The following EPHA6 variants were observed in gnomAD, a reference collection of about 807,000 sequenced individuals.
EPHA6 encodes the protein ephrin type-A receptor 6.
A neutral mutation model predicts 112.0 loss-of-function variants in EPHA6; 50 were observed. The observed-to-expected ratio is 0.45, with a 90% CI of 0.36 to 0.56. The LOEUF is 0.56. Among genes scored for constraint, EPHA6 ranks in the 20% least tolerant of loss-of-function variants. The pLI, the probability that EPHA6 is intolerant of heterozygous loss-of-function variation, is 0.00. For missense variants in EPHA6, 1,280 were observed against 1,417.4 expected (o/e 0.90, Z 1.56); for synonymous variants, 529 against 490.7 (o/e 1.08, Z -1.03).
rs147425353 is a variant in EPHA6, at chr3:96,820,084, G to T, written c.385+5076G>T. On this transcript the variant is annotated intron_variant, in intron 1 of 17. Transcript: ENST00000389672. ...GCGTAACATATAGTGGAAACTGACT[G>T]AGCAAGGGTCTCGAAGAGAAATGAG... Among the ~76,000 whole-genome samples, 4 of 152,142 alleles carry T rather than the reference G, an allele frequency of 2.6e-5. No individual in the cohort carries two copies. In the East Asian group the frequency reaches 7.7e-4, roughly 29 times the overall value.
intron 5 of EPHA6, among the ~76,000 whole-genome samples, chr3:97,345,026 C>A (rs752091360): frequency 6.6e-6 from 1 of 151,474 alleles, no homozygotes; most frequent in Non-Finnish European, 1.5e-5. Context: ...GATTGCTTAA[C>A]TTCACAGAAG....
intron 3 of EPHA6, among the ~76,000 whole-genome samples, chr3:97,178,499 T>A (rs1271932831): frequency 1.3e-5 from 2 of 152,154 alleles, no homozygotes; most frequent in African/African-American, 4.8e-5. Context: ...TCTTTCTGAT[T>A]GCAGTGCTCC....
chr3:97,737,135 C>G (rs980337904), intron 16 of EPHA6, among the ~76,000 whole-genome samples: 2 of 152,054 alleles, frequency 1.3e-5, no homozygotes, highest in Non-Finnish European at 1.5e-5. Context: ...ACTATTACTC[C>G]GGCCCATCTT....
chr3:97,450,617 C>T (rs1577449429), intron 7 of EPHA6, among the ~76,000 whole-genome samples: 1 of 152,004 alleles, frequency 6.6e-6, no homozygotes, highest in East Asian at 1.9e-4. Context: ...GATTTCAACT[C>T]ATTGTACTTT....
intron 12 of EPHA6, among the ~76,000 whole-genome samples, chr3:97,604,985 G>T (rs143602480): frequency 6.6e-6 from 1 of 151,594 alleles, no homozygotes; most frequent in East Asian, 1.9e-4. Flanking sequence ...TTATAGAGAA[G>T]AATTGGGCAT....
chr3:97,669,995 A>G (rs1405376313), intron 14 of EPHA6, among the ~76,000 whole-genome samples: 3 of 152,180 alleles, frequency 2.0e-5, no homozygotes, highest in Non-Finnish European at 4.4e-5. Context: ...AGTTTGATGA[A>G]AGGCCCAGAT....
chr3:97,475,568 A>G, intron 8 of EPHA6, 108 bp downstream of exon 8: 1 of 728,572 alleles, frequency 1.4e-6, no homozygotes, highest in Non-Finnish European at 2.2e-6. Context: ...TGAGGTCGAG[A>G]GGGATCCCAT....
intron 14 of EPHA6, among the ~76,000 whole-genome samples, chr3:97,701,761 G>A (rs988145399): frequency 5.9e-5 from 9 of 151,638 alleles, no homozygotes; most frequent in African/African-American, 2.2e-4. Context: ...TATACTTGTT[G>A]TTTCACATTC....
At chr3:97,462,013 TAACAC>T (rs1283041453) in intron 7 of EPHA6, among the ~76,000 whole-genome samples, 3 of 152,156 alleles carry the variant, frequency 2.0e-5, no homozygotes. Context: ...TTTAAACACT[TAACAC>T]ATCAAATGTC....
At chr3:97,322,358 A>C (rs2082160871) in intron 5 of EPHA6, among the ~76,000 whole-genome samples, 1 of 151,984 alleles carries the variant, frequency 6.6e-6, no homozygotes, top group Non-Finnish European at 1.5e-5. Flanking sequence ...ATGGAAGGCA[A>C]ACTCAGAAGC....
chr3:96,850,247 G>T (rs1006556658), intron 1 of EPHA6, among the ~76,000 whole-genome samples: 18 of 152,086 alleles, frequency 1.2e-4, no homozygotes, highest in African/African-American at 4.3e-4. Context: ...AATTTGGGGA[G>T]CATGAGGATG....
intron 13 of EPHA6, among the ~76,000 whole-genome samples, chr3:97,629,744 CAATA>C (rs1439260818): frequency 6.6e-6 from 1 of 151,906 alleles, no homozygotes; most frequent in Non-Finnish European, 1.5e-5. Context: ...TAACCATGCT[CAATA>C]ACCAGAATCA....
chr3:96,895,109 A>G (rs925619782), intron 2 of EPHA6, among the ~76,000 whole-genome samples: 10 of 152,160 alleles, frequency 6.6e-5, no homozygotes, highest in Non-Finnish European at 1.3e-4. Context: ...AAAGTATTCC[A>G]GAAGGCATTG....
At chr3:96,828,705 C>T (rs997757813) in intron 1 of EPHA6, among the ~76,000 whole-genome samples, 1 of 152,092 alleles carries the variant, frequency 6.6e-6, no homozygotes, top group Non-Finnish European at 1.5e-5. Flanking sequence ...TCTCCATTTT[C>T]CTGGATGATC....
At chr3:97,187,599 A>AG (rs1376532777) in intron 3 of EPHA6, among the ~76,000 whole-genome samples, 1 of 149,768 alleles carries the variant, frequency 6.7e-6, no homozygotes, top group Non-Finnish European at 1.5e-5. Flanking sequence ...AAAAAAAAAG[A>AG]AAAGAGAAAG....
chr3:96,860,659 T>C (rs989570710), intron 1 of EPHA6, among the ~76,000 whole-genome samples: 3 of 152,084 alleles, frequency 2.0e-5, no homozygotes, highest in Non-Finnish European at 2.9e-5. Flanking sequence ...ATGGGGAACA[T>C]GTTCAATGGT....
chr3:97,192,568 C>T (rs762681563), intron 3 of EPHA6, among the ~76,000 whole-genome samples: 1 of 152,056 alleles, frequency 6.6e-6, no homozygotes, highest in Admixed American at 6.6e-5. Flanking sequence ...TTCTTCTATT[C>T]TGTGGGTTGT....
chr3:97,703,846 A>G (rs942040599), intron 14 of EPHA6, among the ~76,000 whole-genome samples: 2 of 152,154 alleles, frequency 1.3e-5, no homozygotes, highest in Non-Finnish European at 2.9e-5. Flanking sequence ...AATTGTTCGT[A>G]TAGAATTTCA....
chr3:97,079,275 A>G (rs569792959), intron 3 of EPHA6, among the ~76,000 whole-genome samples: 1 of 152,332 alleles, frequency 6.6e-6, no homozygotes, highest in East Asian at 1.9e-4. Context: ...GCCATAAAAA[A>G]GAATGAGATC....
Sources: gnomAD v4.1 joint callset for allele counts (sites outside exome capture counted in the v4.1 genomes callset) on GRCh38, gnomAD v4.1.1 for gene constraint, MANE v1.5 for transcripts, NCBI Gene and HGNC (gene_info 2026-07-23, HGNC 2026-07-21) for gene names.